The following FOCAD variants were observed in gnomAD, a reference collection of about 807,000 sequenced individuals.
The protein encoded by FOCAD is focadhesin.
Under a neutral mutation model 225.6 loss-of-function variants are expected in FOCAD, and 198 were observed. That is an observed-to-expected ratio of 0.88 (90% CI 0.78 to 0.99). The LOEUF (loss-of-function observed/expected upper bound fraction) is 0.99. FOCAD is among the 50% of genes least tolerant of loss of function. The pLI is 0.00. For missense variants in FOCAD, 2,713 were observed against 2,123.6 expected (o/e 1.28, Z -5.46); for synonymous variants, 897 against 755.0 (o/e 1.19, Z -3.08).
At chr9:20,968,455 T>TTTTG (rs398010456) in intron 35 of FOCAD, among the ~76,000 whole-genome samples, 2 of 140,050 alleles carry the variant, frequency 1.4e-5, no homozygotes, top group African/African-American at 2.8e-5. Context: ...TTTTTTTTTT[T>TTTTG]GGGAGAGTTA....
At chr9:20,824,796 TAA>T (rs1824697176) in intron 15 of FOCAD, among the ~76,000 whole-genome samples, 1 of 152,122 alleles carries the variant, frequency 6.6e-6, no homozygotes, top group Non-Finnish European at 1.5e-5. Flanking sequence ...ACTAATTAGT[TAA>T]GTTCATTTTA....
chr9:20,767,287 G>A (rs920862206), intron 7 of FOCAD, among the ~76,000 whole-genome samples: 34 of 150,094 alleles, frequency 2.3e-4, no homozygotes, highest in Admixed American at 1.1e-3. Context: ...ATAAACATAC[G>A]TGTGCATGTG....
rs531498588 is a variant in FOCAD, at chr9:20,765,335, C to A, written c.699+262C>A. Among the ~76,000 whole-genome samples the A allele has an allele frequency of 5.9e-5, 9 of 152,114 alleles. No individual in the cohort carries two copies. In the South Asian group the frequency reaches 1.9e-3, roughly 32 times the overall value. ...TGGGAATAGCAAGCATGAAAACTTT[C>A]CTTTGTTTAAGAAACAGTTATCAGG... On this transcript the variant is annotated intron_variant, in intron 7 of 43. Coordinates refer to ENST00000338382, the MANE Select transcript of FOCAD (RefSeq NM_001375567.1).
chr9:20,701,350 T>C (rs556056331), intron 1 of FOCAD, among the ~76,000 whole-genome samples: 2 of 152,348 alleles, frequency 1.3e-5, no homozygotes, highest in African/African-American at 2.4e-5. Flanking sequence ...CCCTGTCTCA[T>C]TGAGCTGTGT....
At chr9:20,985,196 C>T (rs767380004) in intron 39 of FOCAD, among the ~76,000 whole-genome samples, 2 of 152,150 alleles carry the variant, frequency 1.3e-5, no homozygotes, top group Non-Finnish European at 2.9e-5. Flanking sequence ...TTCCACAGGT[C>T]TGTTTTACAC....
At chr9:20,826,241 G>A (rs910674087) in intron 15 of FOCAD, among the ~76,000 whole-genome samples, 2 of 152,106 alleles carry the variant, frequency 1.3e-5, no homozygotes, top group Non-Finnish European at 2.9e-5. Context: ...AACTGGGAGT[G>A]TAGCATTTAT....
At chr9:20,820,878 G>T in intron 13 of FOCAD, 63 bp from the exon 14 acceptor site, 1 of 1,567,352 alleles carries the variant, frequency 6.4e-7, no homozygotes. Context: ...CTGAGTAAAA[G>T]GAAGATAATG....
intron 1 of FOCAD, among the ~76,000 whole-genome samples, chr9:20,714,947 A>G (rs1441246618): frequency 6.6e-6 from 1 of 152,200 alleles, no homozygotes; most frequent in Admixed American, 6.5e-5. Flanking sequence ...GCATAGATGA[A>G]GTAATTTTAT....
At chr9:20,691,540 G>GCA in intron 1 of FOCAD, among the ~76,000 whole-genome samples, 1 of 151,926 alleles carries the variant, frequency 6.6e-6, no homozygotes, top group Non-Finnish European at 1.5e-5. Context: ...AGAGTGCAGT[G>GCA]GCGTCATCTC....
In FOCAD at chr9:20,986,433, A is replaced by G. The variant is rs746906082; in HGVS notation, c.4874A>G (p.Tyr1625Cys). 6 of 1,612,282 alleles carry G rather than the reference A, an allele frequency of 3.7e-6. No individual in the cohort carries two copies. The South Asian group carries it at 4.4e-5, about 12-fold the overall frequency. The part of the protein sequence containing the change: ...VLAWMILHSL[Y>C]QARIVSHANT... ...GCCTGGATGATTCTGCACAGCTTATACCAGGCACGGATTGTGAGCCATGCC... is the reference window on the plus strand; with the variant it reads ...GCCTGGATGATTCTGCACAGCTTATGCCAGGCACGGATTGTGAGCCATGCC... Residue 1625 changes from tyrosine (Y) to cysteine (C), a missense_variant, in exon 40 of 44, where the codon TAC becomes TGC. Physicochemically the swap from Tyr to Cys is radical, Grantham distance 194. Transcript: ENST00000338382.
chr9:20,884,648 T>G (rs1038607786), intron 20 of FOCAD, among the ~76,000 whole-genome samples: 2 of 152,178 alleles, frequency 1.3e-5, no homozygotes, highest in African/African-American at 4.8e-5. Flanking sequence ...TTTTTATTCC[T>G]TATATATAAA....
intron 2 of FOCAD, among the ~76,000 whole-genome samples, chr9:20,678,914 C>T (rs1485948801): frequency 6.6e-6 from 1 of 152,138 alleles, no homozygotes; most frequent in Non-Finnish European, 1.5e-5. Flanking sequence ...TTTGATTGTA[C>T]CATCTGTTTC....
At chr9:20,911,437 A>G (rs1271768135) in intron 22 of FOCAD, among the ~76,000 whole-genome samples, 2 of 152,132 alleles carry the variant, frequency 1.3e-5, no homozygotes, top group African/African-American at 4.8e-5. Context: ...ATATAACTTT[A>G]TAGTCTGGAT....
At chr9:20,782,686 A>G (rs1819502075) in intron 10 of FOCAD, among the ~76,000 whole-genome samples, 2 of 152,226 alleles carry the variant, frequency 1.3e-5, no homozygotes, top group Admixed American at 1.3e-4. Context: ...ATTGAATAAG[A>G]TAAAGCTGGT....
At chr9:20,826,524 A>G (rs1011410156) in intron 15 of FOCAD, among the ~76,000 whole-genome samples, 3 of 152,014 alleles carry the variant, frequency 2.0e-5, no homozygotes. Flanking sequence ...TAGTTTGCAT[A>G]TGGCCTATTG....
At chr9:20,740,517 G>C (rs1289885402) in intron 5 of FOCAD, among the ~76,000 whole-genome samples, 177 bp downstream of exon 5, 1 of 152,174 alleles carries the variant, frequency 6.6e-6, no homozygotes, top group Non-Finnish European at 1.5e-5. Flanking sequence ...GATTGAGATA[G>C]AGTTGACAAG....
intron 1 of FOCAD, among the ~76,000 whole-genome samples, chr9:20,685,196 A>AATTTTTTT (rs772830892): frequency 2.1e-5 from 3 of 143,066 alleles, no homozygotes; most frequent in Non-Finnish European, 4.6e-5. Context: ...TGAGTTGGAA[A>AATTTTTTT]TTTTTTTTTT....
At chr9:20,975,630 A>G (rs1840163197) in intron 35 of FOCAD, among the ~76,000 whole-genome samples, 1 of 152,202 alleles carries the variant, frequency 6.6e-6, no homozygotes, top group Non-Finnish European at 1.5e-5. Flanking sequence ...AATTTGGAAA[A>G]CTAGATAAAA....
intron 35 of FOCAD, among the ~76,000 whole-genome samples, chr9:20,962,041 T>G (rs1180072115): frequency 4.6e-5 from 7 of 152,166 alleles, no homozygotes; most frequent in Non-Finnish European, 1.0e-4. Flanking sequence ...AATGCTGTAA[T>G]TCTCTCTGCC....
Sources: gnomAD v4.1 joint callset for allele counts (sites outside exome capture counted in the v4.1 genomes callset) on GRCh38, gnomAD v4.1.1 for gene constraint, MANE v1.5 for transcripts, NCBI Gene and HGNC (gene_info 2026-07-23, HGNC 2026-07-21) for gene names.